The following MAPK4 variants were observed in gnomAD, a reference collection of about 807,000 sequenced individuals.
The protein encoded by MAPK4 is Erk3-related.
In MAPK4, 22 loss-of-function variants were observed where a neutral mutation model predicts 47.7. The ratio of observed to expected loss-of-function variants is 0.46; its 90% CI spans 0.33 to 0.66. The LOEUF (loss-of-function observed/expected upper bound fraction) is 0.66. Ranked by LOEUF, MAPK4 falls within the 30% of genes least tolerant of loss-of-function variation. MAPK4 has a pLI of 0.02. For synonymous variants in MAPK4, 390 were observed against 365.7 expected, an observed-to-expected ratio of 1.07 and a Z score of -0.76; for missense variants, 736 against 831.7, an observed-to-expected ratio of 0.88 and a Z score of 1.42.
At chr18:50,604,200 G>A (rs1160269365) in intron 1 of MAPK4, among the ~76,000 whole-genome samples, 1 of 152,188 alleles carries the variant, frequency 6.6e-6, no homozygotes, top group East Asian at 1.9e-4. Context: ...GGTAACGGTT[G>A]ATGTTTATAG....
intron 1 of MAPK4, among the ~76,000 whole-genome samples, chr18:50,628,308 C>T (rs1196408127): frequency 6.6e-6 from 1 of 152,184 alleles, no homozygotes; most frequent in Non-Finnish European, 1.5e-5. Context: ...AACATCTGAT[C>T]GCTTTAGGAG....
intron 2 of MAPK4, among the ~76,000 whole-genome samples, chr18:50,682,480 T>G (rs1908643991): frequency 6.6e-6 from 1 of 152,158 alleles, no homozygotes; most frequent in South Asian, 2.1e-4. Flanking sequence ...CAAAAACCTG[T>G]ATAAGAAAAG....
At chr18:50,565,387 G>C (rs2042189814) in intron 1 of MAPK4, among the ~76,000 whole-genome samples, 1 of 152,206 alleles carries the variant, frequency 6.6e-6, no homozygotes, top group African/African-American at 2.4e-5. Context: ...AGGTTGGTCA[G>C]TGCTGAAGTT....
At chr18:50,655,730 T>C (rs1427402478) in intron 1 of MAPK4, among the ~76,000 whole-genome samples, 1 of 152,136 alleles carries the variant, frequency 6.6e-6, no homozygotes, top group East Asian at 1.9e-4. Flanking sequence ...ACACCTCTGG[T>C]CATTATGCTT....
chr18:50,688,657 G>A (rs1326184303), intron 2 of MAPK4, among the ~76,000 whole-genome samples: 3 of 152,002 alleles, frequency 2.0e-5, no homozygotes, highest in Admixed American at 6.5e-5. Flanking sequence ...AACATTGTAT[G>A]TTCTCACTCA....
chr18:50,700,196 A>G (rs987724866), intron 2 of MAPK4, among the ~76,000 whole-genome samples: 2 of 152,200 alleles, frequency 1.3e-5, no homozygotes, highest in Non-Finnish European at 2.9e-5. Context: ...GAGTTGCCTC[A>G]TTAGCATTAA....
chr18:50,687,591 C>T (rs959537923), intron 2 of MAPK4, among the ~76,000 whole-genome samples: 5 of 152,252 alleles, frequency 3.3e-5, no homozygotes, highest in African/African-American at 1.2e-4. Flanking sequence ...CCCTGGTACA[C>T]GCCTGCAGGA....
At chr18:50,630,312 C>T (rs530693958) in intron 1 of MAPK4, among the ~76,000 whole-genome samples, 105 of 152,328 alleles carry the variant, frequency 6.9e-4, no homozygotes, top group African/African-American at 2.4e-3. Context: ...CCTCAGCTTC[C>T]TGAGTAGCTG....
At chr18:50,657,655 C>G (rs142510169) in intron 1 of MAPK4, among the ~76,000 whole-genome samples, 2 of 151,718 alleles carry the variant, frequency 1.3e-5, no homozygotes, top group African/African-American at 4.8e-5. Context: ...TGTGCCTCCC[C>G]GACAGGTGAC....
chr18:50,609,406 C>T (rs1195105766), intron 1 of MAPK4, among the ~76,000 whole-genome samples: 3 of 151,542 alleles, frequency 2.0e-5, no homozygotes, highest in Non-Finnish European at 2.9e-5. Flanking sequence ...GCCTCCCTCC[C>T]GGACGGGGCG....
intron 1 of MAPK4, among the ~76,000 whole-genome samples, chr18:50,617,821 C>T (rs1344126026): frequency 6.6e-6 from 1 of 152,226 alleles, no homozygotes; most frequent in Non-Finnish European, 1.5e-5. Flanking sequence ...TTTTCTATCT[C>T]TGTGACTGTT....
At chr18:50,691,727 G>A (rs1598916779) in intron 2 of MAPK4, among the ~76,000 whole-genome samples, 1 of 152,276 alleles carries the variant, frequency 6.6e-6, no homozygotes, top group East Asian at 1.9e-4. Context: ...TCATTTTCAG[G>A]TTTTGCCTAA....
intron 1 of MAPK4, among the ~76,000 whole-genome samples, chr18:50,577,658 C>T (rs2926292): frequency 6.6e-6 from 1 of 152,232 alleles, no homozygotes; most frequent in Non-Finnish European, 1.5e-5. Flanking sequence ...ACAATAGAAG[C>T]GTTTATAAAA....
chr18:50,669,317 T>A (rs1261755299), intron 2 of MAPK4: 2 of 152,158 alleles, frequency 1.3e-5, no homozygotes, highest in Non-Finnish European at 2.9e-5. Context: ...AGAAAAAAAA[T>A]GTCATTAAGA....
At chr18:50,626,632 C>T (rs1011659071) in intron 1 of MAPK4, among the ~76,000 whole-genome samples, 15 of 152,162 alleles carry the variant, frequency 9.9e-5, no homozygotes, top group African/African-American at 3.1e-4. Context: ...CCCTCCCATT[C>T]CTCATCACCC....
intron 1 of MAPK4, among the ~76,000 whole-genome samples, chr18:50,645,690 C>G (rs2042982560): frequency 6.6e-6 from 1 of 152,146 alleles, no homozygotes; most frequent in African/African-American, 2.4e-5. Flanking sequence ...TTACACGGGC[C>G]TTATGGTCAG....
chr18:50,561,576 G>A, intron 1 of MAPK4, among the ~76,000 whole-genome samples: 1 of 152,144 alleles, frequency 6.6e-6, no homozygotes, highest in East Asian at 1.9e-4. Context: ...AATACTAAAG[G>A]CTTTTTTGCT....
chr18:50,653,550 T>G (rs1469379795), intron 1 of MAPK4, among the ~76,000 whole-genome samples: 3 of 152,222 alleles, frequency 2.0e-5, no homozygotes, highest in Non-Finnish European at 4.4e-5. Context: ...TCACTGGTGT[T>G]GGAACCACGC....
At chr18:50,575,792 C>CAAAAAAA (rs540138636) in intron 1 of MAPK4, among the ~76,000 whole-genome samples, 42 of 70,070 alleles carry the variant, frequency 6.0e-4, no homozygotes, top group East Asian at 9.9e-4. Context: ...AATCAACAAG[C>CAAAAAAA]AAAAAAAAAA....
Sources: allele counts gnomAD v4.1 joint callset (sites outside exome capture counted in the v4.1 genomes callset), GRCh38; gene constraint gnomAD v4.1.1; transcripts MANE v1.5; gene names NCBI Gene and HGNC (gene_info 2026-07-23, HGNC 2026-07-21).